Variants in OPCML observed in about 807,000 individuals in gnomAD.
OPCML encodes opioid-binding protein/cell adhesion molecule.
A neutral mutation model predicts 37.8 loss-of-function variants in OPCML; 13 were observed. The observed-to-expected ratio is 0.34, with a 90% CI of 0.22 to 0.55. The LOEUF is 0.55. OPCML is among the 20% of genes least tolerant of loss of function. The pLI, the probability that OPCML is intolerant of heterozygous loss-of-function variation, is 0.91. For missense variants in OPCML, 341 were observed against 435.6 expected (o/e 0.78, Z 1.93); for synonymous variants, 176 against 168.8 (o/e 1.04, Z -0.33).
intron 1 of OPCML, among the ~76,000 whole-genome samples, chr11:133,016,700 T>C (rs922383744): frequency 1.3e-5 from 2 of 152,224 alleles, no homozygotes; most frequent in Admixed American, 1.3e-4. Flanking sequence ...ATATTCAGTG[T>C]GTACCACAGT....
chr11:132,894,838 T>C (rs1943775933), intron 2 of OPCML, among the ~76,000 whole-genome samples: 1 of 152,204 alleles, frequency 6.6e-6, no homozygotes, highest in South Asian at 2.1e-4. Flanking sequence ...CCCCAGGTTT[T>C]CAGGCCCTGG....
At chr11:133,075,046 G>A (rs988853299) in intron 1 of OPCML, among the ~76,000 whole-genome samples, 5 of 152,282 alleles carry the variant, frequency 3.3e-5, no homozygotes, top group South Asian at 2.1e-4. Context: ...GAAAGTGTGC[G>A]TGCAGTGGAC....
At chr11:133,073,111 C>A (rs1021265272) in intron 1 of OPCML, among the ~76,000 whole-genome samples, 33 of 152,166 alleles carry the variant, frequency 2.2e-4, no homozygotes, top group African/African-American at 8.0e-4. Flanking sequence ...CTCAGAATTA[C>A]CTGCCTGAGG....
intron 1 of OPCML, among the ~76,000 whole-genome samples, chr11:133,310,426 A>G (rs1943039864): frequency 6.6e-6 from 1 of 152,186 alleles, no homozygotes; most frequent in Non-Finnish European, 1.5e-5. Context: ...CATTTCCCTT[A>G]GTTTAAAAAT....
At chr11:132,732,011 T>C (rs1210422901) in intron 2 of OPCML, among the ~76,000 whole-genome samples, 2 of 152,172 alleles carry the variant, frequency 1.3e-5, no homozygotes, top group Non-Finnish European at 2.9e-5. Context: ...TGAGGAATTA[T>C]GCATGGATTT....
intron 1 of OPCML, chr11:133,004,830 G>A (rs1317813517): frequency 1.0e-6 from 1 of 985,252 alleles, no homozygotes; most frequent in Admixed American, 6.2e-5. Flanking sequence ...CCATCTACGG[G>A]AGTCAGTTCA....
intron 1 of OPCML, among the ~76,000 whole-genome samples, chr11:133,110,163 C>A (rs556506498): frequency 6.6e-6 from 1 of 152,086 alleles, no homozygotes; most frequent in South Asian, 2.1e-4. Flanking sequence ...CTGTTCTGGT[C>A]CATTAAGGTA....
At chr11:132,933,625 GAGAGAT>G (rs1461348438) in intron 2 of OPCML, among the ~76,000 whole-genome samples, 1 of 152,086 alleles carries the variant, frequency 6.6e-6, no homozygotes, top group Non-Finnish European at 1.5e-5. Context: ...GAGAGAGACA[GAGAGAT>G]AGAGATAAAG....
intron 1 of OPCML, among the ~76,000 whole-genome samples, chr11:133,151,333 G>C (rs1949982288): frequency 6.6e-6 from 1 of 152,064 alleles, no homozygotes; most frequent in African/African-American, 2.4e-5. Flanking sequence ...CTTTAAAAGA[G>C]GAAAACAAGG....
chr11:132,982,483 A>G (rs1946607727), intron 1 of OPCML, among the ~76,000 whole-genome samples: 1 of 151,054 alleles, frequency 6.6e-6, no homozygotes, highest in Non-Finnish European at 1.5e-5. Context: ...AAGACAAGAA[A>G]GTAAAAAAGG....
In OPCML at chr11:133,160,353, A is replaced by G. The variant is rs368004249; in HGVS notation, c.62-217343T>C. On this transcript the variant is annotated intron_variant, in intron 1 of 7. Coordinates refer to ENST00000524381, the MANE Select transcript of OPCML (RefSeq NM_001012393.5). ...TGCAGGCGTTCATGTGACACTCCCAATTCCTGCCCCAGGAATAGCCCCAGG... is the reference window on the plus strand; with the variant it reads ...TGCAGGCGTTCATGTGACACTCCCAGTTCCTGCCCCAGGAATAGCCCCAGG... Among the ~76,000 whole-genome samples the G allele has an allele frequency of 7.2e-5, 11 of 152,208 alleles. No individual in the cohort carries two copies. The East Asian group carries it at 9.6e-4, about 13-fold the overall frequency.
chr11:132,429,990 C>T (rs965082699), intron 7 of OPCML, among the ~76,000 whole-genome samples: 2 of 152,050 alleles, frequency 1.3e-5, no homozygotes, highest in African/African-American at 4.8e-5. Context: ...TCACATAAGC[C>T]AGAAGTGGGG....
At chr11:133,012,808 G>A (rs1244470443) in intron 1 of OPCML, among the ~76,000 whole-genome samples, 4 of 149,372 alleles carry the variant, frequency 2.7e-5, no homozygotes, top group African/African-American at 7.4e-5. Flanking sequence ...CAGGGAGGTG[G>A]AGGTTGCGGC....
At chr11:133,008,061 A>G (rs994934985) in intron 1 of OPCML, 15 of 985,456 alleles carry the variant, frequency 1.5e-5, no homozygotes, top group Non-Finnish European at 1.8e-5. Flanking sequence ...CTGTACGGCT[A>G]CTTGCATTGG....
chr11:133,027,265 A>C (rs1014033656), intron 1 of OPCML, among the ~76,000 whole-genome samples: 3 of 152,256 alleles, frequency 2.0e-5, no homozygotes, highest in Non-Finnish European at 4.4e-5. Flanking sequence ...CACAGGAGAC[A>C]ATAGTAATAA....
intron 1 of OPCML, among the ~76,000 whole-genome samples, chr11:132,994,432 A>C (rs1946843934): frequency 6.6e-6 from 1 of 152,150 alleles, no homozygotes; most frequent in Non-Finnish European, 1.5e-5. Flanking sequence ...TCACCGGAGG[A>C]GCTGCTGGGG....
At chr11:133,480,956 A>G (rs1947359063) in intron 1 of OPCML, among the ~76,000 whole-genome samples, 1 of 152,250 alleles carries the variant, frequency 6.6e-6, no homozygotes, top group Non-Finnish European at 1.5e-5. Context: ...ACTTAATTAC[A>G]TGCCATGGCA....
Position 132,838,798 on chromosome 11 carries a change from G to A in OPCML, c.146+104128C>T, listed in dbSNP as rs147912999. On this transcript the variant is annotated intron_variant, in intron 2 of 7. Transcript: ENST00000524381. ...GATCAGAGTCATTCATGGCACGGCC[G>A]CCGCCCTATGAGGAAGCAGCAAAGC... Among the ~76,000 whole-genome samples the A allele has an allele frequency of 4.7e-3, 717 of 152,246 alleles. 9 individuals are homozygous for A. The highest frequency in any genetic ancestry group is 0.016 in the African/African-American group (654 of 41,516).
intron 2 of OPCML, among the ~76,000 whole-genome samples, chr11:132,938,750 G>A (rs1261438029): frequency 1.3e-5 from 2 of 152,144 alleles, no homozygotes; most frequent in Non-Finnish European, 2.9e-5. Context: ...TGCCCATGAG[G>A]TGCAGGCACC....
Sources: gnomAD v4.1 joint callset for allele counts (sites outside exome capture counted in the v4.1 genomes callset) on GRCh38, gnomAD v4.1.1 for gene constraint, MANE v1.5 for transcripts, NCBI Gene and HGNC (gene_info 2026-07-23, HGNC 2026-07-21) for gene names.